Variants in GAN observed in about 807,000 individuals in gnomAD.
The protein encoded by GAN is epididymis secretory sperm binding protein.
GAN carries 48 observed loss-of-function variants against 71.3 expected under a neutral mutation model. That is an observed-to-expected ratio of 0.67 (90% CI 0.53 to 0.86). The LOEUF (loss-of-function observed/expected upper bound fraction) is 0.86. Among genes scored for constraint, GAN ranks in the 40% least tolerant of loss-of-function variants. The pLI is 0.00. For missense variants in GAN, 928 were observed against 770.1 expected, an observed-to-expected ratio of 1.21 and a Z score of -2.43; for synonymous variants, 386 against 276.8, an observed-to-expected ratio of 1.39 and a Z score of -3.92.
At chr16:81,361,921 C>G (rs901847814) in intron 5 of GAN, among the ~76,000 whole-genome samples, 1 of 152,184 alleles carries the variant, frequency 6.6e-6, no homozygotes, top group Non-Finnish European at 1.5e-5. Flanking sequence ...ACCTCCTGGG[C>G]TCAAGCAGTC....
intron 7 of GAN, among the ~76,000 whole-genome samples, 190 bp downstream of exon 7, chr16:81,364,133 G>A (rs1259599471): frequency 6.6e-6 from 1 of 152,172 alleles, no homozygotes; most frequent in Non-Finnish European, 1.5e-5. Flanking sequence ...GTGAGCGTGT[G>A]TGAGAGTTTA....
intron 1 of GAN, among the ~76,000 whole-genome samples, chr16:81,344,629 A>G (rs1476305307): frequency 2.6e-5 from 4 of 152,244 alleles, no homozygotes; most frequent in Non-Finnish European, 4.4e-5. Context: ...TCAGAGACTT[A>G]AACATAAGAC....
At chr16:81,369,440 G>A (rs310029) in intron 9 of GAN, among the ~76,000 whole-genome samples, 136,313 of 152,220 alleles carry the variant, frequency 0.9, 61,100 homozygotes, top group African/African-American at 0.92. Context: ...GAAAAGTAAA[G>A]TGGATCTCGG....
At position 81,377,200 on chromosome 16, in the gene GAN, G is replaced by A. The variant is rs777778823; in HGVS notation, c.1503-19G>A. 1.4e-6 allele frequency: 2 copies of A among 1,388,092 alleles called. No homozygotes were observed. The highest frequency in any genetic ancestry group is 2.1e-6 in the Non-Finnish European group (2 of 973,932). 86.0% of individuals were successfully genotyped at this position (1,388,092 alleles called of 1,614,324 possible). A position where few individuals can be genotyped will look rare whatever the true frequency, so the allele number is the denominator to read the frequency against. On this transcript the variant is annotated intron_variant, in intron 9 of 10. Coordinates refer to ENST00000648994, the MANE Select transcript of GAN (RefSeq NM_022041.4). Reference sequence around the variant, plus strand: ...ATCCTTTTGATTTCCTTAATTTTGTGCATGGGCTTTGTTTTCAGGTGGATC... The same window carrying A: ...ATCCTTTTGATTTCCTTAATTTTGTACATGGGCTTTGTTTTCAGGTGGATC...
At chr16:81,338,072 C>A (rs918769677) in intron 1 of GAN, among the ~76,000 whole-genome samples, 1 of 152,104 alleles carries the variant, frequency 6.6e-6, no homozygotes, top group Admixed American at 6.6e-5. Flanking sequence ...GATCAGCAGA[C>A]GGGGCAGAGA....
intron 9 of GAN, among the ~76,000 whole-genome samples, chr16:81,371,095 AT>A (rs1911023216): frequency 6.6e-6 from 1 of 152,014 alleles, no homozygotes. Flanking sequence ...CATCCAGTGA[AT>A]TTTTTATTTC....
intron 1 of GAN, among the ~76,000 whole-genome samples, chr16:81,326,318 G>A (rs1178277840): frequency 6.7e-6 from 1 of 148,460 alleles, no homozygotes; most frequent in African/African-American, 2.5e-5. Context: ...GGGAGTTCGA[G>A]ACTAGCCTGA....
intron 1 of GAN, among the ~76,000 whole-genome samples, chr16:81,347,142 G>A (rs188865216): frequency 1.2e-4 from 18 of 152,250 alleles, no homozygotes; most frequent in Non-Finnish European, 1.8e-4. Context: ...CTCTCTTGAC[G>A]GAGAATTGAC....
rs1386442471 is a variant in GAN, at chr16:81,377,675, G to C, written c.*79G>C. 3.2e-6 allele frequency: 4 copies of C among 1,247,566 alleles called. No homozygotes were observed. In the African/African-American group the frequency reaches 5.9e-5, roughly 18 times the overall value. 77.3% of individuals were successfully genotyped at this position (1,247,566 alleles called of 1,614,324 possible). A position where few individuals can be genotyped will look rare whatever the true frequency, so the allele number is the denominator to read the frequency against. Reference sequence around the variant, plus strand: ...TCCGAAAGGGAGAGCAGAGATGGCAGCTGAAACTCACTCTGTGCTGGGCTT... The same window carrying C: ...TCCGAAAGGGAGAGCAGAGATGGCACCTGAAACTCACTCTGTGCTGGGCTT... On this transcript the variant is annotated 3_prime_UTR_variant, in exon 11 of 11. Coordinates refer to ENST00000648994, the MANE Select transcript of GAN (RefSeq NM_022041.4).
At chr16:81,368,716 C>A (rs1201244247) in intron 9 of GAN, among the ~76,000 whole-genome samples, 3 of 152,194 alleles carry the variant, frequency 2.0e-5, no homozygotes, top group Non-Finnish European at 4.4e-5. Flanking sequence ...TCCCACCTTC[C>A]CTGCCCCGCT....
chr16:81,356,785 G>C lies in GAN; in HGVS notation c.634G>C (p.Val212Leu). 1 of 1,602,636 alleles carries C rather than the reference G, an allele frequency of 6.2e-7. No homozygotes were observed. Among genetic ancestry groups the C allele is most frequent in the Non-Finnish European group, 8.5e-7 (1 of 1,169,602 alleles). Residue 212 changes from valine (V) to leucine (L), a missense_variant and splice_region_variant, in exon 4 of 11, where the codon GTC becomes CTC. Physicochemically the swap from Val to Leu is conservative, Grantham distance 32 (BLOSUM62 1). Transcript: ENST00000648994. ...CCCATCTTTCTTCCCTCTTCTGCAG[G>C]TCCACATGAAGGATGTTATGTCAGC... ...WIAHDTEIRK[V>L]HMKDVMSALW... is the part of the protein sequence containing the mutation.
Position 81,345,691 on chromosome 16 carries a change from C to A in GAN, c.168-5892C>A, listed in dbSNP as rs528757349. 2.6e-5 allele frequency among the ~76,000 whole-genome samples: 4 copies of A among 152,256 alleles called. No individual in the cohort carries two copies. The East Asian group carries it at 7.7e-4, about 29-fold the overall frequency. On this transcript the variant is annotated intron_variant, in intron 1 of 10. Coordinates refer to ENST00000648994, the MANE Select transcript of GAN (RefSeq NM_022041.4). ...GCAAACCACCATGGCACATGTATAC[C>A]TGTGTAACAAAATTGTACGTTCTGC...
chr16:81,344,524 A>G (rs1014118908), intron 1 of GAN, among the ~76,000 whole-genome samples: 1 of 152,166 alleles, frequency 6.6e-6, no homozygotes, highest in Non-Finnish European at 1.5e-5. Context: ...AAGATTCCCT[A>G]TTTAATAAAT....
At chr16:81,357,975 A>ATG in intron 5 of GAN, 44 bp downstream of exon 5, 2 of 1,527,802 alleles carry the variant, frequency 1.3e-6, no homozygotes, top group Non-Finnish European at 1.8e-6. Flanking sequence ...AGATCAAGTA[A>ATG]TGTGTAATCT....
chr16:81,373,581 C>G (rs1189773929), intron 9 of GAN, among the ~76,000 whole-genome samples: 1 of 152,160 alleles, frequency 6.6e-6, no homozygotes, highest in Middle Eastern at 3.2e-3. Flanking sequence ...AGCATCAAAA[C>G]CAGGATATTT....
intron 2 of GAN, among the ~76,000 whole-genome samples, chr16:81,354,049 A>G (rs539442792): frequency 6.6e-6 from 1 of 152,310 alleles, no homozygotes; most frequent in East Asian, 1.9e-4. Context: ...TGTTGACTTT[A>G]CCATAGAATG....
intron 1 of GAN, among the ~76,000 whole-genome samples, chr16:81,325,444 C>G (rs552549808): frequency 4.1e-4 from 62 of 152,290 alleles, no homozygotes; most frequent in African/African-American, 1.1e-3. Flanking sequence ...TGAATAGGAA[C>G]AGTGGCTGGG....
In GAN at chr16:81,377,561, C is replaced by G. The variant is rs1904286031; in HGVS notation, c.1759C>G (p.Gln587Glu). 1 of 1,614,078 alleles carries G rather than the reference C, an allele frequency of 6.2e-7. No individual in the cohort carries two copies. The highest frequency in any genetic ancestry group is 8.5e-7 in the Non-Finnish European group (1 of 1,180,014). ...CAAGCTTTTCCGCCTGCAGCTTCAG[C>G]AAGGCTTATTCCGTATTCGTGTTCA... ...NCKLFRLQLQ[Q>E]GLFRIRVHSP The change falls in exon 11 of 11, where the codon CAA (glutamine) becomes GAA (glutamate). Residue 587 changes from glutamine (Q) to glutamate (E), a missense_variant. Physicochemically the swap from Gln to Glu is conservative, Grantham distance 29. Transcript: ENST00000648994.
Position 81,357,010 on chromosome 16 carries a change from T to C in GAN, c.851+8T>C. 6.5e-7 allele frequency: 1 copy of C among 1,538,934 alleles called. No individual in the cohort carries two copies. The highest frequency in any genetic ancestry group is 9.0e-7 in the Non-Finnish European group (1 of 1,112,760). ...TGGTGGAGAAGAGAGAGTGTAAGTA[T>C]GAGGTGGGACTTGTTTGAAAAGTGG... On this transcript the variant is annotated splice_region_variant and intron_variant, in intron 4 of 10. Coordinates refer to ENST00000648994, the MANE Select transcript of GAN (RefSeq NM_022041.4).
Sources: allele counts gnomAD v4.1 joint callset (sites outside exome capture counted in the v4.1 genomes callset), GRCh38; gene constraint gnomAD v4.1.1; transcripts MANE v1.5; gene names NCBI Gene and HGNC (gene_info 2026-07-23, HGNC 2026-07-21).